The following GPC5 variants were observed in gnomAD, a reference collection of about 807,000 sequenced individuals.
The protein encoded by GPC5 is glypican-5.
Under a neutral mutation model 53.9 loss-of-function variants are expected in GPC5, and 47 were observed. The ratio of observed to expected loss-of-function variants is 0.87; its 90% CI spans 0.69 to 1.11. The LOEUF (loss-of-function observed/expected upper bound fraction) is 1.11. Among genes scored for constraint, GPC5 ranks in the 50% most tolerant of loss-of-function variants. GPC5 has a pLI of 0.00. For missense variants in GPC5, 748 were observed against 713.1 expected, an observed-to-expected ratio of 1.05 and a Z score of -0.56; for synonymous variants, 286 against 263.3, an observed-to-expected ratio of 1.09 and a Z score of -0.84.
At chr13:91,977,507 C>T (rs1157120722) in intron 6 of GPC5, among the ~76,000 whole-genome samples, 1 of 152,158 alleles carries the variant, frequency 6.6e-6, no homozygotes, top group African/African-American at 2.4e-5. Context: ...TCATACTTCA[C>T]TCAACAGTAA....
At chr13:92,092,649 T>C (rs1258974147) in intron 6 of GPC5, among the ~76,000 whole-genome samples, 2 of 152,192 alleles carry the variant, frequency 1.3e-5, no homozygotes, top group African/African-American at 4.8e-5. Flanking sequence ...TAAATTTTTA[T>C]AAAGAAATTT....
intron 2 of GPC5, among the ~76,000 whole-genome samples, chr13:91,505,995 A>G (rs113276898): frequency 1.3e-5 from 2 of 152,240 alleles, no homozygotes; most frequent in African/African-American, 4.8e-5. Flanking sequence ...AGAAGAAACA[A>G]AGGTGATATA....
chr13:91,560,461 C>G (rs552613419), intron 2 of GPC5, among the ~76,000 whole-genome samples: 2 of 152,182 alleles, frequency 1.3e-5, no homozygotes, highest in African/African-American at 2.4e-5. Flanking sequence ...TATTAACCAC[C>G]AAAGACAAAG....
At chr13:91,687,114 T>C (rs1331289417) in intron 2 of GPC5, among the ~76,000 whole-genome samples, 1 of 151,972 alleles carries the variant, frequency 6.6e-6, no homozygotes, top group Admixed American at 6.6e-5. Context: ...TAAGTACATG[T>C]CATGCCAGAG....
intron 7 of GPC5, among the ~76,000 whole-genome samples, chr13:92,310,453 C>T (rs1479900369): frequency 3.3e-5 from 5 of 152,052 alleles, no homozygotes; most frequent in Non-Finnish European, 7.4e-5. Context: ...TCTACTTTTG[C>T]CAAAAGTTAA....
intron 2 of GPC5, among the ~76,000 whole-genome samples, chr13:91,560,758 T>C (rs1295755957): frequency 1.3e-5 from 2 of 151,532 alleles, no homozygotes; most frequent in East Asian, 3.9e-4. Context: ...AATGTGATTT[T>C]TTTTAGGAAA....
At chr13:92,065,928 C>A (rs2041163733) in intron 6 of GPC5, among the ~76,000 whole-genome samples, 1 of 151,954 alleles carries the variant, frequency 6.6e-6, no homozygotes, top group Non-Finnish European at 1.5e-5. Flanking sequence ...GCCTGAAAGA[C>A]AGTAGCTATA....
chr13:92,339,603 A>C (rs2043349676), intron 7 of GPC5, among the ~76,000 whole-genome samples: 1 of 152,154 alleles, frequency 6.6e-6, no homozygotes, highest in South Asian at 2.1e-4. Context: ...AGTATGATTA[A>C]GAATCTTTGA....
chr13:92,640,364 A>G (rs1885555212), intron 7 of GPC5, among the ~76,000 whole-genome samples: 1 of 151,974 alleles, frequency 6.6e-6, no homozygotes, highest in South Asian at 2.1e-4. Flanking sequence ...GGTTCACGCC[A>G]TTCTCCTGCC....
rs1382103170 is a variant in GPC5, at chr13:91,579,625, T to C, written c.326-113562T>C. 8.0e-3 allele frequency among the ~76,000 whole-genome samples: 26 copies of C among 3,244 alleles called. No homozygotes were observed. In the East Asian group the frequency reaches 0.35, roughly 43 times the overall value. The allele number at this position is 3,244 out of a possible 152,430, so 2.1% of individuals were successfully genotyped here. A position where few individuals can be genotyped will look rare whatever the true frequency, so the allele number is the denominator to read the frequency against. ...ATTTCTTTCTTTCTTTTTCTTTTTC[T>C]TTTTTTTTTTTTTTTTTTTTTGTGA... On this transcript the variant is annotated intron_variant, in intron 2 of 7. Transcript: ENST00000377067.
intron 2 of GPC5, among the ~76,000 whole-genome samples, chr13:91,556,244 A>G (rs913386658): frequency 6.6e-6 from 1 of 151,982 alleles, no homozygotes; most frequent in South Asian, 2.1e-4. Context: ...AAGTGATCAT[A>G]TATATTTAGT....
At chr13:92,060,486 G>A (rs2041113847) in intron 6 of GPC5, among the ~76,000 whole-genome samples, 2 of 151,966 alleles carry the variant, frequency 1.3e-5, no homozygotes, top group Admixed American at 6.6e-5. Context: ...TCAGAGAAAC[G>A]TATGTTGGTA....
At chr13:92,264,848 T>A (rs1266215177) in intron 7 of GPC5, among the ~76,000 whole-genome samples, 2 of 150,850 alleles carry the variant, frequency 1.3e-5, no homozygotes, top group Non-Finnish European at 2.9e-5. Context: ...CTTGTATATG[T>A]TTAGGGTCTC....
chr13:92,180,809 C>A, intron 7 of GPC5: 1 of 233,272 alleles, frequency 4.3e-6, no homozygotes, highest in South Asian at 6.3e-5. Context: ...TGTTAATTTT[C>A]TTTCCTTCCC....
intron 2 of GPC5, among the ~76,000 whole-genome samples, chr13:91,475,900 C>T (rs1882901629): frequency 6.6e-6 from 1 of 152,182 alleles, no homozygotes; most frequent in Admixed American, 6.5e-5. Context: ...TCAGTGCTTG[C>T]TGACCAGTGA....
chr13:91,607,692 A>G (rs2033417101), intron 2 of GPC5, among the ~76,000 whole-genome samples: 4 of 152,368 alleles, frequency 2.6e-5, no homozygotes. Flanking sequence ...CTTAGCCAAT[A>G]TAAGTGTGGC....
intron 6 of GPC5, among the ~76,000 whole-genome samples, chr13:91,997,343 T>C (rs1367296209): frequency 6.6e-6 from 1 of 152,180 alleles, no homozygotes; most frequent in African/African-American, 2.4e-5. Context: ...CATATGTAAT[T>C]CTTCTTTTGT....
chr13:92,720,839 A>G (rs1888488734), intron 7 of GPC5, among the ~76,000 whole-genome samples: 2 of 152,118 alleles, frequency 1.3e-5, no homozygotes, highest in African/African-American at 2.4e-5. Flanking sequence ...TGTTTTTGCA[A>G]TAAAATCAAG....
Position 91,779,147 on chromosome 13 carries a change from G to A in GPC5, c.1280+22727G>A, listed in dbSNP as rs186701900. On this transcript the variant is annotated intron_variant, in intron 5 of 7. Coordinates refer to ENST00000377067, the MANE Select transcript of GPC5 (RefSeq NM_004466.6). Reference sequence around the variant, plus strand: ...CACTACTGTAGATATTATAAATACTGCACACTTAGGCTATACTAAATTTAT... The same window carrying A: ...CACTACTGTAGATATTATAAATACTACACACTTAGGCTATACTAAATTTAT... Among the ~76,000 whole-genome samples the A allele has an allele frequency of 2.1e-3, 327 of 152,220 alleles. 3 individuals are homozygous for A. The highest frequency in any genetic ancestry group is 7.7e-3 in the African/African-American group (318 of 41,534).
Sources: gnomAD v4.1 joint callset for allele counts (sites outside exome capture counted in the v4.1 genomes callset) on GRCh38, gnomAD v4.1.1 for gene constraint, MANE v1.5 for transcripts, NCBI Gene and HGNC (gene_info 2026-07-23, HGNC 2026-07-21) for gene names.